ABCC4: variants seen among roughly 807,000 people sequenced by gnomAD.
ABCC4 encodes the protein ATP-binding cassette sub-family C member 4.
In ABCC4, 102 loss-of-function variants were observed where a neutral mutation model predicts 168.5. The ratio of observed to expected loss-of-function variants is 0.61; its 90% CI spans 0.52 to 0.71. The LOEUF is 0.71. Among genes scored for constraint, ABCC4 ranks in the 30% least tolerant of loss-of-function variants. The pLI, the probability that ABCC4 is intolerant of heterozygous loss-of-function variation, is 0.00. For synonymous variants in ABCC4, 617 were observed against 590.7 expected (o/e 1.04, Z -0.65); for missense variants, 1,402 against 1,605.8 (o/e 0.87, Z 2.17).
intron 19 of ABCC4, among the ~76,000 whole-genome samples, chr13:95,154,276 T>C (rs377303016): frequency 2.6e-5 from 4 of 152,288 alleles, no homozygotes; most frequent in South Asian, 4.1e-4. Context: ...AACTAACTAA[T>C]GTACATATAA....
At chr13:95,292,220 A>T (rs752431641) in intron 1 of ABCC4, among the ~76,000 whole-genome samples, 1 of 152,076 alleles carries the variant, frequency 6.6e-6, no homozygotes, top group African/African-American at 2.4e-5. Context: ...TTAGCTGGGC[A>T]TGCTGGCACA....
chr13:95,213,871 T>G (rs977804173), intron 4 of ABCC4, among the ~76,000 whole-genome samples: 6 of 152,084 alleles, frequency 3.9e-5, no homozygotes, highest in Non-Finnish European at 8.8e-5. Context: ...ATATCGATCA[T>G]AATGTTCAAC....
intron 20 of ABCC4, among the ~76,000 whole-genome samples, chr13:95,105,014 G>A (rs1055612848): frequency 1.3e-5 from 2 of 151,988 alleles, no homozygotes; most frequent in African/African-American, 4.8e-5. Flanking sequence ...TTATTATGTG[G>A]TAATATATAA....
intron 26 of ABCC4, among the ~76,000 whole-genome samples, chr13:95,057,315 T>C (rs1169968108): frequency 1.3e-5 from 2 of 152,176 alleles, no homozygotes; most frequent in Admixed American, 6.5e-5. Flanking sequence ...TCTCAGCTCA[T>C]GGCAACCTCT....
Position 95,247,720 on chromosome 13 carries a change from T to A in ABCC4, c.108A>T (p.Lys36Asn). The A allele has an allele frequency of 6.2e-7, 1 of 1,614,058 alleles. No homozygotes were observed. The highest frequency in any genetic ancestry group is 8.5e-7 in the Non-Finnish European group (1 of 1,179,988). Residue 36 changes from lysine (K) to asparagine (N), a missense_variant, in exon 2 of 31, where the codon AAA becomes AAT. Coordinates refer to ENST00000645237, the MANE Select transcript of ABCC4 (RefSeq NM_005845.5). ...ACATATCATCTTCCTCTAATCTCCG[T>A]TTATGGCCAATTTTAAACAAGGGAT... ...WLNPLFKIGH[K>N]RRLEEDDMYS...
intron 9 of ABCC4, among the ~76,000 whole-genome samples, chr13:95,192,642 G>A (rs1223948553): frequency 6.6e-6 from 1 of 152,138 alleles, no homozygotes; most frequent in Non-Finnish European, 1.5e-5. Flanking sequence ...TTAGAGCTGG[G>A]CACGGTGGCT....
At chr13:95,188,572 A>C in intron 9 of ABCC4, 30 bp from the exon 10 acceptor site, 1 of 1,554,294 alleles carries the variant, frequency 6.4e-7, no homozygotes, top group Non-Finnish European at 8.8e-7. Flanking sequence ...AAATGTGCCC[A>C]TTTCAATAAA....
At chr13:95,137,929 T>G (rs1252435063) in intron 19 of ABCC4, among the ~76,000 whole-genome samples, 5 of 152,116 alleles carry the variant, frequency 3.3e-5, no homozygotes, top group African/African-American at 1.2e-4. Flanking sequence ...AATAAATACA[T>G]ACAGACATCT....
chr13:95,077,001 G>A (rs1202290159), intron 21 of ABCC4, among the ~76,000 whole-genome samples: 1 of 152,212 alleles, frequency 6.6e-6, no homozygotes, highest in African/African-American at 2.4e-5. Context: ...ACAGGCAGGT[G>A]TGAGCCACCA....
intron 19 of ABCC4, among the ~76,000 whole-genome samples, chr13:95,121,705 A>C (rs1281241486): frequency 6.6e-6 from 1 of 152,104 alleles, no homozygotes; most frequent in Non-Finnish European, 1.5e-5. Flanking sequence ...CACAGCGCCC[A>C]GCCTCAAACC....
chr13:95,228,164 A>G (rs974099360), intron 4 of ABCC4, among the ~76,000 whole-genome samples: 4 of 152,182 alleles, frequency 2.6e-5, no homozygotes, highest in African/African-American at 9.7e-5. Context: ...TTTGCTATCA[A>G]TTGTCTGTCC....
chr13:95,213,058 C>A (rs1417426012), intron 4 of ABCC4, among the ~76,000 whole-genome samples: 1 of 151,398 alleles, frequency 6.6e-6, no homozygotes, highest in Non-Finnish European at 1.5e-5. Context: ...ACCCAGGAGG[C>A]AGAGGCTGCA....
In ABCC4 at chr13:95,239,610, G is replaced by A. The variant is rs189706434; in HGVS notation, c.307-4776C>T. ...AAAGACAGCCAAAGCGTGGCACAGG[G>A]ATGATAACTGTAATGAACAGCACAT... On this transcript the variant is annotated intron_variant, in intron 3 of 30. Coordinates refer to ENST00000645237, the MANE Select transcript of ABCC4 (RefSeq NM_005845.5). Among the ~76,000 whole-genome samples the A allele has an allele frequency of 4.3e-4, 66 of 152,252 alleles. No individual in the cohort carries two copies. The East Asian group carries it at 8.7e-3, about 20-fold the overall frequency.
At chr13:95,261,964 C>T (rs913877420) in intron 1 of ABCC4, among the ~76,000 whole-genome samples, 1 of 151,822 alleles carries the variant, frequency 6.6e-6, no homozygotes, top group Non-Finnish European at 1.5e-5. Context: ...ATTGGCTGGG[C>T]ACAGTGGCAC....
rs1566539890 is a variant in ABCC4 at position 95,218,982 on chromosome 13, AAAGAGTGAGAAAG to A, written c.532-8214_532-8202del. Among the ~76,000 whole-genome samples the A allele has an allele frequency of 7.1e-3, 279 of 39,528 alleles. 26 individuals carry two copies. Among genetic ancestry groups the A allele is most frequent in the African/African-American group, 0.02 (171 of 8,680 alleles). 25.9% of individuals were successfully genotyped at this position (39,528 alleles called of 152,430 possible). ...GAAAGAAAGAAAGAAAGAAAGAAAG[AAAGAGTGAGAAAG>A]AAAGAAAGAGTGAGAAAGAAAGGAA... On this transcript the variant is annotated intron_variant, in intron 4 of 30. Coordinates refer to ENST00000645237, the MANE Select transcript of ABCC4 (RefSeq NM_005845.5).
At chr13:95,122,669 C>T (rs888621214) in intron 19 of ABCC4, among the ~76,000 whole-genome samples, 2 of 152,126 alleles carry the variant, frequency 1.3e-5, no homozygotes, top group Non-Finnish European at 2.9e-5. Context: ...GTCCTCAGTC[C>T]CTGCTTGCCT....
At chr13:95,103,655 G>C (rs1460048106) in intron 20 of ABCC4, among the ~76,000 whole-genome samples, 2 of 152,132 alleles carry the variant, frequency 1.3e-5, no homozygotes, top group Admixed American at 1.3e-4. Flanking sequence ...TTCTGACCTG[G>C]ATGTCCTAAA....
At chr13:95,276,506 C>CAA (rs58632827) in intron 1 of ABCC4, among the ~76,000 whole-genome samples, 26 of 127,956 alleles carry the variant, frequency 2.0e-4, no homozygotes, top group East Asian at 6.7e-4. Context: ...GACCCTGCCT[C>CAA]AAAAAAAAAA....
In ABCC4 at chr13:95,171,637, T is replaced by C. The variant is rs918933778; in HGVS notation, c.1728-1009A>G. On this transcript the variant is annotated intron_variant, in intron 13 of 30. Transcript: ENST00000645237. ...TAACAAGGGCCAAGAACATAACTCA[T>C]GCTCAATAAGTGTTAGCCCTGTCCT... Among the ~76,000 whole-genome samples, 3 of 151,926 alleles carry C rather than the reference T, an allele frequency of 2.0e-5. No homozygotes were observed. The East Asian group carries it at 5.8e-4, about 29-fold the overall frequency.
Sources: gnomAD v4.1 joint callset for allele counts (sites outside exome capture counted in the v4.1 genomes callset) on GRCh38, gnomAD v4.1.1 for gene constraint, MANE v1.5 for transcripts, NCBI Gene and HGNC (gene_info 2026-07-23, HGNC 2026-07-21) for gene names.